KIAA1328: variants seen among roughly 807,000 people sequenced by gnomAD.
The protein encoded by KIAA1328 is protein hinderin.
KIAA1328 carries 52 observed loss-of-function variants against 68.1 expected under a neutral mutation model. That is an observed-to-expected ratio of 0.76 (90% confidence interval 0.61 to 0.96). The LOEUF (loss-of-function observed/expected upper bound fraction) is 0.96, where lower values mean the gene tolerates loss of function less well. KIAA1328 is among the 40% of genes least tolerant of loss of function. KIAA1328 has a pLI of 0.00. For missense variants in KIAA1328, 641 were observed against 677.6 expected, an observed-to-expected ratio of 0.95 and a Z score of 0.60; for synonymous variants, 232 against 239.4, an observed-to-expected ratio of 0.97 and a Z score of 0.28.
chr18:37,084,311 CTA>C (rs2057034720), intron 7 of KIAA1328: 1 of 677,692 alleles, frequency 1.5e-6, no homozygotes, highest in African/African-American at 1.9e-5. Context: ...TTTTATAGCT[CTA>C]TGTTGATTAA....
chr18:37,049,593 A>G (rs532051215), intron 6 of KIAA1328, among the ~76,000 whole-genome samples: 1 of 152,306 alleles, frequency 6.6e-6, no homozygotes, highest in Non-Finnish European at 1.5e-5. Flanking sequence ...CAGCCATCTT[A>G]AATCTCTTCG....
intron 5 of KIAA1328, among the ~76,000 whole-genome samples, chr18:36,913,112 C>T (rs936156645): frequency 1.3e-5 from 2 of 152,058 alleles, no homozygotes; most frequent in Admixed American, 1.3e-4. Context: ...CTGTTTCCTG[C>T]CTGTGGTATT....
intron 9 of KIAA1328, among the ~76,000 whole-genome samples, chr18:37,181,503 C>T (rs931590241): frequency 4.6e-5 from 7 of 151,922 alleles, no homozygotes; most frequent in African/African-American, 1.7e-4. Context: ...CTGTAATTCC[C>T]ACTGTTAAAA....
chr18:37,175,905 G>A lies in KIAA1328; in HGVS notation c.1523+2824G>A, dbSNP rs565117877. On this transcript the variant is annotated intron_variant, in intron 9 of 9. Coordinates refer to ENST00000280020, the MANE Select transcript of KIAA1328 (RefSeq NM_020776.3). The stretch of plus-strand genomic sequence containing the variant: ...ATGGGGGTGAGACAGATGCCAGTGG[G>A]AGACAGGTTTTCCTTTGTTCTCTGA... Among the ~76,000 whole-genome samples the A allele has an allele frequency of 1.1e-3, 161 of 152,246 alleles. 1 individual carries two copies. The highest frequency in any genetic ancestry group is 1.7e-3 in the Non-Finnish European group (114 of 68,022).
intron 6 of KIAA1328, among the ~76,000 whole-genome samples, chr18:37,009,376 A>T (rs1471575248): frequency 6.6e-6 from 1 of 152,148 alleles, no homozygotes; most frequent in Non-Finnish European, 1.5e-5. Context: ...GCTTCTAGGA[A>T]ATCGCCTTAA....
intron 5 of KIAA1328, among the ~76,000 whole-genome samples, chr18:36,919,480 G>C (rs1442475991): frequency 1.3e-5 from 2 of 152,122 alleles, no homozygotes; most frequent in Admixed American, 6.6e-5. Flanking sequence ...CCAGTCCACT[G>C]TTGATTCCAT....
chr18:36,900,193 T>A (rs566990818), intron 5 of KIAA1328, among the ~76,000 whole-genome samples: 4 of 152,080 alleles, frequency 2.6e-5, no homozygotes, highest in Non-Finnish European at 5.9e-5. Context: ...TTCTTATTGG[T>A]GTTAAAATGG....
rs576257098 is a variant in KIAA1328 at position 37,067,118 on chromosome 18, T to C, written c.805T>C (p.Cys269Arg). ...TAAGATACCATCAGAGACCACAACA[T>C]GTAATTGTGAATCTCCAGGGAGAAA... The part of the protein sequence containing the change: ...LDKIPSETTT[C>R]NCESPGRKPA... Residue 269 changes from cysteine to arginine, a missense_variant, in exon 7 of 10, where the codon TGT becomes CGT. Transcript: ENST00000280020. The C allele has an allele frequency of 1.4e-5, 23 of 1,613,944 alleles. No homozygotes were observed. In the South Asian group the frequency reaches 1.4e-4, roughly 10 times the overall value.
At chr18:36,837,193 C>T (rs1055598431) in intron 3 of KIAA1328, among the ~76,000 whole-genome samples, 7 of 152,092 alleles carry the variant, frequency 4.6e-5, no homozygotes, top group African/African-American at 1.7e-4. Context: ...AAAGTGGTTA[C>T]ACCATGTTAC....
chr18:37,173,128 C>T (rs2059533299), intron 9 of KIAA1328, 47 bp downstream of exon 9: 2 of 1,364,366 alleles, frequency 1.5e-6, no homozygotes, highest in Non-Finnish European at 2.0e-6. Flanking sequence ...CCTATGAGAG[C>T]ATTTTTTTGA....
chr18:37,134,879 C>CT (rs2058608017), intron 7 of KIAA1328, among the ~76,000 whole-genome samples: 4 of 152,058 alleles, frequency 2.6e-5, no homozygotes, highest in Admixed American at 2.6e-4. Flanking sequence ...TAGTAGTTCC[C>CT]AGTGTCTATT....
intron 4 of KIAA1328, among the ~76,000 whole-genome samples, chr18:36,860,672 A>G (rs2150885922): frequency 6.6e-6 from 1 of 152,352 alleles, no homozygotes; most frequent in Non-Finnish European, 1.5e-5. Context: ...ATTTTAACTC[A>G]GCATAATGTC....
chr18:36,886,273 A>G (rs1211360535), intron 5 of KIAA1328: 1 of 152,222 alleles, frequency 6.6e-6, no homozygotes, highest in African/African-American at 2.4e-5. Flanking sequence ...TTGGAACTTT[A>G]TTAAATTCTG....
At chr18:36,861,585 T>A (rs1225905915) in intron 4 of KIAA1328, among the ~76,000 whole-genome samples, 1 of 152,208 alleles carries the variant, frequency 6.6e-6, no homozygotes, top group East Asian at 1.9e-4. Flanking sequence ...TATTTAAGGA[T>A]GAGCTCTCCC....
chr18:36,882,331 G>A (rs2048351934), intron 4 of KIAA1328, among the ~76,000 whole-genome samples: 1 of 152,110 alleles, frequency 6.6e-6, no homozygotes, highest in Admixed American at 6.5e-5. Flanking sequence ...TATAGACCAT[G>A]ATACCCAATA....
At chr18:37,125,906 C>T (rs1168081296) in intron 7 of KIAA1328, among the ~76,000 whole-genome samples, 1 of 152,168 alleles carries the variant, frequency 6.6e-6, no homozygotes, top group Non-Finnish European at 1.5e-5. Flanking sequence ...TGCTTAGTTA[C>T]CCTGAACATA....
chr18:37,196,545 A>G (rs1416606960), intron 9 of KIAA1328, among the ~76,000 whole-genome samples: 1 of 152,134 alleles, frequency 6.6e-6, no homozygotes, highest in Non-Finnish European at 1.5e-5. Context: ...TGAAATAATC[A>G]TACAGTTCTT....
intron 5 of KIAA1328, among the ~76,000 whole-genome samples, chr18:36,943,095 A>T (rs982826490): frequency 6.6e-6 from 1 of 152,326 alleles, no homozygotes. Context: ...GGAGCTAACA[A>T]TGTACCTGGG....
chr18:36,856,115 C>G (rs911557622), intron 4 of KIAA1328, among the ~76,000 whole-genome samples: 10 of 151,912 alleles, frequency 6.6e-5, no homozygotes, highest in Admixed American at 2.6e-4. Flanking sequence ...AAGATTTTCT[C>G]TTGTCTGATT....
Sources: allele counts gnomAD v4.1 joint callset (sites outside exome capture counted in the v4.1 genomes callset), GRCh38; gene constraint gnomAD v4.1.1; transcripts MANE v1.5; gene names NCBI Gene and HGNC (gene_info 2026-07-23, HGNC 2026-07-21).